CCDC88C: variants seen among roughly 807,000 people sequenced by gnomAD.
The protein encoded by CCDC88C is protein Daple.
Under a neutral mutation model 198.8 loss-of-function variants are expected in CCDC88C, and 131 were observed. The ratio of observed to expected loss-of-function variants is 0.66; its 90% confidence interval spans 0.57 to 0.76. The LOEUF (loss-of-function observed/expected upper bound fraction) is 0.76, where lower values mean the gene tolerates loss of function less well. CCDC88C is among the 30% of genes least tolerant of loss of function. The pLI is 0.00. For missense variants in CCDC88C, 2,553 were observed against 2,631.6 expected, an observed-to-expected ratio of 0.97 and a Z score of 0.65; for synonymous variants, 1,166 against 1,114.7, an observed-to-expected ratio of 1.05 and a Z score of -0.92.
intron 19 of CCDC88C, among the ~76,000 whole-genome samples, 192 bp downstream of exon 19, chr14:91,305,573 A>G (rs1451112201): frequency 2.0e-5 from 3 of 152,242 alleles, no homozygotes; most frequent in Non-Finnish European, 4.4e-5. Flanking sequence ...TCAATCACTG[A>G]AAATGGCTTA....
intron 3 of CCDC88C, among the ~76,000 whole-genome samples, chr14:91,376,963 C>G (rs554809128): frequency 3.3e-5 from 5 of 152,246 alleles, no homozygotes; most frequent in Non-Finnish European, 5.9e-5. Context: ...CCAGCCACTC[C>G]ACACCCACCC....
rs1444748122 is a variant in CCDC88C, at chr14:91,319,807, C to T, written c.1527+1313G>A. Reference sequence around the variant, plus strand: ...TTGGGAGGCCGAGGCGGGTGGGCCACCTGAGGTCGGGAGTTTGAGACCAGC... The same window carrying T: ...TTGGGAGGCCGAGGCGGGTGGGCCATCTGAGGTCGGGAGTTTGAGACCAGC... On this transcript the variant is annotated intron_variant, in intron 13 of 29. Coordinates refer to ENST00000389857, the MANE Select transcript of CCDC88C (RefSeq NM_001080414.4). Among the ~76,000 whole-genome samples the T allele has an allele frequency of 3.9e-5, 6 of 152,178 alleles. No individual in the cohort carries two copies. The South Asian group carries it at 1.2e-3, about 32-fold the overall frequency.
intron 20 of CCDC88C, among the ~76,000 whole-genome samples, chr14:91,300,891 GCA>G (rs1891248002): frequency 1.3e-5 from 2 of 152,272 alleles, no homozygotes; most frequent in Admixed American, 6.5e-5. Flanking sequence ...GAAGTCTGAG[GCA>G]CAGTCTCCTG....
At chr14:91,383,602 T>C (rs1884945758) in intron 3 of CCDC88C, among the ~76,000 whole-genome samples, 1 of 152,088 alleles carries the variant, frequency 6.6e-6, no homozygotes, top group Admixed American at 6.5e-5. Context: ...GAGGTATCGG[T>C]TTACTTTGCA....
At chr14:91,324,973 C>A (rs373104043) in intron 11 of CCDC88C, 50 bp from the exon 12 acceptor site, 1 of 1,609,046 alleles carries the variant, frequency 6.2e-7, no homozygotes, top group South Asian at 1.1e-5. Flanking sequence ...GCTGGAGATC[C>A]CCCTGGACAA....
chr14:91,375,884 C>T (rs1454708344), intron 3 of CCDC88C, among the ~76,000 whole-genome samples: 1 of 152,236 alleles, frequency 6.6e-6, no homozygotes, highest in African/African-American at 2.4e-5. Context: ...GGGGCAGGTG[C>T]CGTAACTGTG....
At position 91,273,722 on chromosome 14, in the gene CCDC88C, C is replaced by A. The variant is rs925392159; in HGVS notation, c.5059-69G>T. On this transcript the variant is annotated intron_variant, in intron 29 of 29. Transcript: ENST00000389857. This position sits in a 1 kb window ranked among gnomAD's most constrained non-coding sequence, Gnocchi z 5.6. The stretch of plus-strand genomic sequence containing the variant: ...GGTGGGTCCTTGGAGCCGCCTCCTG[C>A]GCGGGACGCCCCCGAGCAGCCCACG... 5.2e-6 allele frequency: 7 copies of A among 1,339,270 alleles called. 1 individual carries two copies. The highest frequency in any genetic ancestry group is 4.0e-4 in the Middle Eastern group (2 of 5,052). The allele number at this position is 1,339,270 out of a possible 1,614,324, so 83.0% of individuals were successfully genotyped here.
chr14:91,361,088 C>T (rs1357014505), intron 3 of CCDC88C, among the ~76,000 whole-genome samples: 3 of 146,856 alleles, frequency 2.0e-5, no homozygotes, highest in Admixed American at 6.9e-5. Context: ...CTATGTTGCA[C>T]GAGTGCACTC....
intron 3 of CCDC88C, chr14:91,384,427 T>C: frequency 1.9e-6 from 1 of 521,226 alleles, no homozygotes; most frequent in Non-Finnish European, 3.9e-6. Context: ...GCTTCACTGC[T>C]GCTTGCACTC....
intron 20 of CCDC88C, among the ~76,000 whole-genome samples, chr14:91,301,323 CTGAG>C (rs1258656568): frequency 7.2e-5 from 11 of 152,202 alleles, no homozygotes; most frequent in African/African-American, 2.4e-4. Context: ...GCAAAAAGCA[CTGAG>C]TAACTACCAC....
At position 91,339,267 on chromosome 14, in the gene CCDC88C, C is replaced by T. The variant is rs115661164; in HGVS notation, c.809+11G>A. On this transcript the variant is annotated intron_variant, in intron 8 of 29. Transcript: ENST00000389857. This position sits in a 1 kb window ranked among gnomAD's most constrained non-coding sequence, Gnocchi z 5.8. The stretch of plus-strand genomic sequence containing the variant: ...CACACACAAAGGTAGGAGAAGCAGC[C>T]GGGGACTCACAGCTCCTGCCTGACG... The T allele has an allele frequency of 2.3e-3, 3,754 of 1,611,864 alleles. 85 individuals carry two copies. In the African/African-American group the frequency reaches 0.044, roughly 19 times the overall value.
chr14:91,305,675 AG>A, intron 19 of CCDC88C, 89 bp downstream of exon 19: 1 of 1,261,096 alleles, frequency 7.9e-7, no homozygotes, highest in Non-Finnish European at 1.1e-6. Flanking sequence ...GCTGCTTTTG[AG>A]GAGTCCTAAT....
rs1891930045 is a variant in CCDC88C at position 91,313,390 on chromosome 14, G to T, written c.2426C>A (p.Ala809Asp). ...LRRDLEALRL[A>D]NAQLEGAEKD... is the part of the protein sequence containing the mutation. ...CTCGGCCCCCTCCAACTGTGCATTG[G>T]CCAGCCGGAGGGCCTCCAGGTCCCG... Residue 809 changes from alanine to aspartate, a missense_variant, in exon 15 of 30, where the codon GCC becomes GAC. Transcript: ENST00000389857. The surrounding 1 kb of genome is among the most constrained non-coding windows in gnomAD (Gnocchi z 5.2). 6.2e-7 allele frequency: 1 copy of T among 1,608,596 alleles called. No individual in the cohort carries two copies. The highest frequency in any genetic ancestry group is 1.1e-5 in the South Asian group (1 of 91,062).
intron 10 of CCDC88C, among the ~76,000 whole-genome samples, chr14:91,334,281 G>A (rs1038322954): frequency 2.6e-5 from 4 of 152,070 alleles, no homozygotes; most frequent in Admixed American, 6.5e-5. Flanking sequence ...TCACTCTGTC[G>A]CCCAGACTGG....
rs993730012 is a variant in CCDC88C at position 91,325,597 on chromosome 14, G to C, written c.1197+313C>G. Among the ~76,000 whole-genome samples the C allele has an allele frequency of 6.6e-6, 1 of 151,922 alleles. No individual in the cohort carries two copies. The highest frequency in any genetic ancestry group is 2.4e-5 in the African/African-American group (1 of 41,326). On this transcript the variant is annotated intron_variant, in intron 11 of 29. Transcript: ENST00000389857. This position sits in a 1 kb window ranked among gnomAD's most constrained non-coding sequence, Gnocchi z 4.1. Reference sequence around the variant, plus strand: ...CTTTTCTTTCTTTCTTTTTTTCTGAGACAAGGTCTTGCTCTATCACCCAGG... The same window carrying C: ...CTTTTCTTTCTTTCTTTTTTTCTGACACAAGGTCTTGCTCTATCACCCAGG...
intron 10 of CCDC88C, among the ~76,000 whole-genome samples, 177 bp downstream of exon 10, chr14:91,337,828 T>G (rs1893115388): frequency 1.3e-5 from 2 of 152,138 alleles, no homozygotes; most frequent in African/African-American, 4.8e-5. Flanking sequence ...GACTGGGAGA[T>G]GAAGAGGAGC....
At chr14:91,379,448 A>G (rs1884648938) in intron 3 of CCDC88C, 2 of 238,316 alleles carry the variant, frequency 8.4e-6, no homozygotes, top group African/African-American at 2.3e-5. Context: ...AGACACTCCC[A>G]GACCTGTGTG....
rs777437894 is a variant in CCDC88C, at chr14:91,324,795, G to C, written c.1326C>G (p.Asn442Lys). The change falls in exon 12 of 30, where the codon AAC (asparagine) becomes AAG (lysine). Residue 442 changes from asparagine (N) to lysine (K), a missense_variant. By Grantham distance (94) the Asn-to-Lys change is moderately conservative. This residue lies in a region of CCDC88C where 1,260 missense variants were observed against 1,412.0 expected (regional missense o/e 0.89). Transcript: ENST00000389857. The part of the protein sequence containing the change: ...LGWELEQLSK[N>K]ADLSDASRKS... Reference sequence around the variant, plus strand: ...GCTACCTACCGTCTGACAAGTCTGCGTTCTTGGACAGCTGCTCCAGCTCCC... The same window carrying C: ...GCTACCTACCGTCTGACAAGTCTGCCTTCTTGGACAGCTGCTCCAGCTCCC... The C allele has an allele frequency of 1.9e-6, 3 of 1,612,104 alleles. No individual in the cohort carries two copies. The highest frequency in any genetic ancestry group is 1.3e-5 in the African/African-American group (1 of 75,050).
In CCDC88C at chr14:91,335,273, A is replaced by G. The variant is rs546777021; in HGVS notation, c.1050+2732T>C. 1.3e-3 allele frequency among the ~76,000 whole-genome samples: 198 copies of G among 152,014 alleles called. 2 individuals are homozygous for G. In the South Asian group the frequency reaches 0.04, roughly 31 times the overall value. On this transcript the variant is annotated intron_variant, in intron 10 of 29. Coordinates refer to ENST00000389857, the MANE Select transcript of CCDC88C (RefSeq NM_001080414.4). ...GTGCTTAAATGTTCTGAAACACCCC[A>G]CGCCACCCGCCTCGTGAAAATGCTT... is the stretch of plus-strand genomic sequence containing the variant.
Sources: allele counts gnomAD v4.1 joint callset (sites outside exome capture counted in the v4.1 genomes callset), GRCh38; gene constraint gnomAD v4.1.1; regional missense constraint gnomAD v4.1.1; non-coding constraint Gnocchi (gnomAD v3.1); transcripts MANE v1.5; gene names NCBI Gene and HGNC (gene_info 2026-07-23, HGNC 2026-07-21).